S100Z: variants seen among roughly 807,000 people sequenced by gnomAD.
S100Z encodes protein S100-Z.
Under a neutral mutation model 8.5 loss-of-function variants are expected in S100Z, and 11 were observed. The ratio of observed to expected loss-of-function variants is 1.30; its 90% CI spans 0.82 to 2.15. The LOEUF (loss-of-function observed/expected upper bound fraction) is 2.15. Ranked by LOEUF, S100Z falls within the 30% of genes most tolerant of loss-of-function variation. S100Z has a pLI of 0.00. For synonymous variants in S100Z, 34 were observed against 43.8 expected, an observed-to-expected ratio of 0.78 and a Z score of 0.89; for missense variants, 126 against 117.9, an observed-to-expected ratio of 1.07 and a Z score of -0.32.
intron 1 of S100Z, among the ~76,000 whole-genome samples, chr5:76,859,182 G>A (rs1037390148): frequency 2.6e-5 from 4 of 152,138 alleles, no homozygotes; most frequent in Non-Finnish European, 5.9e-5. Flanking sequence ...TGCATTGGCT[G>A]GAGAGATGTA....
At chr5:76,937,065 G>A in the S100Z span, among the ~76,000 whole-genome samples, 4 of 152,152 alleles carry the variant, frequency 2.6e-5, no homozygotes, top group African/African-American at 9.7e-5. Flanking sequence ...AATCCCGGCT[G>A]CAGAGCCCTC....
rs748633019 is a variant in S100Z at position 76,905,693 on chromosome 5, C to T, written c.*3-15024C>T. Among the ~76,000 whole-genome samples the T allele has an allele frequency of 5.9e-5, 9 of 152,132 alleles. No individual in the cohort carries two copies. In the South Asian group the frequency reaches 8.3e-4, roughly 14 times the overall value. ...TCCCAAGGTGCTGGGATTACAGGTG[C>T]GAACCACCGTGCCTGGCCATTTTGA... On this transcript the variant is annotated intron_variant, in intron 4 of 4. Coordinates refer to ENST00000317593, the MANE Select transcript of S100Z (RefSeq NM_130772.4).
intron 4 of S100Z, among the ~76,000 whole-genome samples, chr5:76,883,693 C>T (rs960866180): frequency 6.6e-6 from 1 of 152,182 alleles, no homozygotes; most frequent in Non-Finnish European, 1.5e-5. Context: ...GTCAGAGAGC[C>T]TTGGGCCAGA....
chr5:76,887,436 T>C (rs1161586632), intron 4 of S100Z, among the ~76,000 whole-genome samples: 1 of 139,348 alleles, frequency 7.2e-6, no homozygotes, highest in Non-Finnish European at 1.5e-5. Context: ...GGTCTCGCTC[T>C]GTGCCCAGGC....
the S100Z span, among the ~76,000 whole-genome samples, chr5:76,933,025 A>G: frequency 1.7e-4 from 26 of 152,274 alleles, no homozygotes; most frequent in Admixed American, 7.9e-4. Flanking sequence ...ACTTACTGTC[A>G]TAATCTCAAT....
At chr5:76,913,781 C>G (rs768005767) in intron 4 of S100Z, among the ~76,000 whole-genome samples, 1 of 152,158 alleles carries the variant, frequency 6.6e-6, no homozygotes, top group Non-Finnish European at 1.5e-5. Flanking sequence ...ATCTCTGCAC[C>G]GTCTTAGGGG....
intron 1 of S100Z, among the ~76,000 whole-genome samples, chr5:76,863,749 A>C (rs369143054): frequency 9.3e-4 from 141 of 152,168 alleles, no homozygotes; most frequent in Non-Finnish European, 1.8e-3. Context: ...CGTGTTAGCC[A>C]GGATGGTCTC....
At chr5:76,884,208 G>A (rs1442889129) in intron 4 of S100Z, among the ~76,000 whole-genome samples, 1 of 152,210 alleles carries the variant, frequency 6.6e-6, no homozygotes, top group East Asian at 1.9e-4. Flanking sequence ...CCATGAACTG[G>A]GCTGGGCTTT....
At chr5:76,940,475 C>T in the S100Z span, among the ~76,000 whole-genome samples, 2 of 151,746 alleles carry the variant, frequency 1.3e-5, no homozygotes, top group Admixed American at 1.3e-4. Context: ...TGCAGCGGCA[C>T]GATCTCAACT....
chr5:76,858,522 CAA>C (rs33932900), intron 1 of S100Z, among the ~76,000 whole-genome samples: 28 of 131,500 alleles, frequency 2.1e-4, no homozygotes, highest in Admixed American at 3.2e-4. Context: ...GACCCTGTCT[CAA>C]AAAAAAAAAA....
chr5:76,922,775 G>A (rs1482502087), downstream of S100Z, among the ~76,000 whole-genome samples: 7 of 152,116 alleles, frequency 4.6e-5, no homozygotes, highest in East Asian at 3.9e-4. Flanking sequence ...TGCCCGCCTC[G>A]GCCTCCCAAA....
chr5:76,879,410 G>A (rs1743315222), intron 4 of S100Z, among the ~76,000 whole-genome samples: 1 of 152,194 alleles, frequency 6.6e-6, no homozygotes, highest in African/African-American at 2.4e-5. Flanking sequence ...AACACAATCT[G>A]TAAGGTTTAG....
intron 1 of S100Z, among the ~76,000 whole-genome samples, chr5:76,856,569 C>T (rs1389136752): frequency 6.6e-6 from 1 of 152,204 alleles, no homozygotes. Context: ...CAGACTAATA[C>T]GCTTGCTGAC....
intron 4 of S100Z, among the ~76,000 whole-genome samples, chr5:76,920,142 T>A (rs147672155): frequency 4.6e-5 from 7 of 152,262 alleles, no homozygotes; most frequent in Non-Finnish European, 7.4e-5. Flanking sequence ...ACTCCTGACC[T>A]CAGTTTATCT....
At chr5:76,932,056 CATAAG>C in the S100Z span, among the ~76,000 whole-genome samples, 30 of 152,014 alleles carry the variant, frequency 2.0e-4, no homozygotes, top group African/African-American at 6.5e-4. Flanking sequence ...TATATCTTTT[CATAAG>C]ATGTCAGTTA....
At chr5:76,901,147 C>A (rs1744213853) in intron 4 of S100Z, among the ~76,000 whole-genome samples, 1 of 144,550 alleles carries the variant, frequency 6.9e-6, no homozygotes, top group South Asian at 2.1e-4. Flanking sequence ...CCTGTGGCCA[C>A]CACCACAATG....
intron 1 of S100Z, among the ~76,000 whole-genome samples, chr5:76,858,291 G>T (rs1750941864): frequency 6.6e-6 from 1 of 152,204 alleles, no homozygotes; most frequent in Admixed American, 6.5e-5. Flanking sequence ...GGGAGGCCAA[G>T]GTAGGTGGAT....
chr5:76,950,150 C>T, the S100Z span, among the ~76,000 whole-genome samples: 1 of 152,004 alleles, frequency 6.6e-6, no homozygotes, highest in Non-Finnish European at 1.5e-5. Context: ...ATCGATTAAT[C>T]AGGAAAGGAA....
intron 1 of S100Z, among the ~76,000 whole-genome samples, chr5:76,861,358 G>A (rs1170653387): frequency 7.1e-6 from 1 of 140,832 alleles, no homozygotes; most frequent in African/African-American, 2.6e-5. Context: ...TTTTTTTTTT[G>A]AGATGGAGTC....
Sources: gnomAD v4.1 joint callset for allele counts (sites outside exome capture counted in the v4.1 genomes callset) on GRCh38, gnomAD v4.1.1 for gene constraint, MANE v1.5 for transcripts, NCBI Gene and HGNC (gene_info 2026-07-23, HGNC 2026-07-21) for gene names.